Variants in DOLK observed in about 807,000 individuals in gnomAD.
DOLK encodes SEC59 homolog.
Under a neutral mutation model 31.7 loss-of-function variants are expected in DOLK, and 20 were observed. The ratio of observed to expected loss-of-function variants is 0.63; its 90% CI spans 0.44 to 0.92. The LOEUF is 0.92. Among genes scored for constraint, DOLK ranks in the 40% least tolerant of loss-of-function variants. The probability of loss-of-function intolerance (pLI) is 0.00; values close to 1 mark genes in which losing one functional copy is unlikely to be tolerated. For synonymous variants in DOLK, 309 were observed against 287.0 expected, an observed-to-expected ratio of 1.08 and a Z score of -0.77; for missense variants, 594 against 680.7, an observed-to-expected ratio of 0.87 and a Z score of 1.42.
rs1035319147 is a variant in DOLK, at chr9:128,947,073, T to C, written c.231A>G (p.Ala77=). 1.2e-6 allele frequency: 2 copies of C among 1,613,968 alleles called. No homozygotes were observed. Among genetic ancestry groups the C allele is most frequent in the Non-Finnish European group, 1.7e-6 (2 of 1,180,006 alleles). Residue 77 remains alanine, a synonymous_variant, in exon 1 of 1, where the codon GCA becomes GCG. Coordinates refer to ENST00000372586, the MANE Select transcript of DOLK (RefSeq NM_014908.4). ...GSAVFQFRMS[A]NSGLLPASMV... ...TGGAGGCGGGCAATAGGCCACTGTT[T>C]GCGGACATTCGGAACTGGAAGACGG... is the stretch of plus-strand genomic sequence containing the variant.
Position 128,946,399 on chromosome 9 carries a change from G to A in DOLK, c.905C>T (p.Ala302Val), listed in dbSNP as rs1057524413. Residue 302 changes from alanine (A) to valine (V), a missense_variant, in exon 1 of 1, where the codon GCC (alanine) becomes GTC (valine). Coordinates refer to ENST00000372586, the MANE Select transcript of DOLK (RefSeq NM_014908.4). ...CAAGGTGGCCAGCAGAGACCAATAG[G>A]CTAGGAGGTAGATGCGGGTGTCTGT... is the stretch of plus-strand genomic sequence containing the variant. ...FQTDTRIYLL[A>V]YWSLLATLAC... 6.2e-7 allele frequency: 1 copy of A among 1,613,858 alleles called. No individual in the cohort carries two copies. The highest frequency in any genetic ancestry group is 1.3e-5 in the African/African-American group (1 of 74,890).
Position 128,947,571 on chromosome 9 carries a change from G to T in DOLK, c.-268C>A. 7 of 1,056,664 alleles carry T rather than the reference G, an allele frequency of 6.6e-6. No homozygotes were observed. Among genetic ancestry groups the T allele is most frequent in the Non-Finnish European group, 9.4e-6 (7 of 745,808 alleles). 65.5% of individuals were successfully genotyped at this position (1,056,664 alleles called of 1,614,324 possible). A position where few individuals can be genotyped will look rare whatever the true frequency, so the allele number is the denominator to read the frequency against. On this transcript the variant is annotated 5_prime_UTR_variant, in exon 1 of 1. Coordinates refer to ENST00000372586, the MANE Select transcript of DOLK (RefSeq NM_014908.4). The stretch of plus-strand genomic sequence containing the variant: ...ACAGTTACAGCCGCCCCCGCTGCCG[G>T]CTCCTCACCTCTTTGGGCCTCGCCA...
Position 128,946,240 on chromosome 9 carries a change from T to C in DOLK, c.1064A>G (p.Asp355Gly). 1 of 1,613,878 alleles carries C rather than the reference T, an allele frequency of 6.2e-7. No individual in the cohort carries two copies. The highest frequency in any genetic ancestry group is 1.3e-5 in the African/African-American group (1 of 74,960). The change falls in exon 1 of 1, where the codon GAC (aspartate) becomes GGC (glycine). Residue 355 changes from aspartate to glycine, a missense_variant. Coordinates refer to ENST00000372586, the MANE Select transcript of DOLK (RefSeq NM_014908.4). ...GGCGGCTACATAGAGCAGTGGCCGG[T>C]CAAAGATGATACCTGGGATGTAGGT... ...VATYIPGIIF[D>G]RPLLYVAATV...
rs775257795 is a variant in DOLK at position 128,946,833 on chromosome 9, G to A, written c.471C>T (p.His157=). ...AGGVIIYIMK[H]SLSVGEVIEV... ...CGATCACCTCCCCCACGCTCAACGA[G>A]TGCTTCATGATATAAATGATAACAC... Residue 157 remains histidine, a synonymous_variant, in exon 1 of 1, where the codon CAC becomes CAT. Transcript: ENST00000372586. 3 of 1,612,738 alleles carry A rather than the reference G, an allele frequency of 1.9e-6. No individual in the cohort carries two copies. Among genetic ancestry groups the A allele is most frequent in the Non-Finnish European group, 2.5e-6 (3 of 1,180,026 alleles).
Position 128,946,526 on chromosome 9 carries a change from G to A in DOLK, c.778C>T (p.His260Tyr). 6.2e-7 allele frequency: 1 copy of A among 1,614,118 alleles called. No individual in the cohort carries two copies. The highest frequency in any genetic ancestry group is 1.1e-5 in the South Asian group (1 of 91,080). The change falls in exon 1 of 1, where the codon CAC becomes TAC. Residue 260 changes from histidine to tyrosine, a missense_variant. By Grantham distance (83) the His-to-Tyr change is moderately conservative (BLOSUM62 2). Transcript: ENST00000372586. ...AGGCTCAGCACACAGGTCATGAGGT[G>A]GAAGAAGATGGAGGAGGCCCAGGTG... ...SGTWASSIFF[H>Y]LMTCVLSLGV...
chr9:128,947,329 G>T lies in DOLK; in HGVS notation c.-26C>A, dbSNP rs765242879. ...ATCTCTAGACCTGGGGCTTCACGGA[G>T]GCCGGGGCGACTACGGACGCCCTAG... On this transcript the variant is annotated 5_prime_UTR_variant, in exon 1 of 1. Transcript: ENST00000372586. The T allele has an allele frequency of 6.2e-7, 1 of 1,611,102 alleles. No homozygotes were observed. Among genetic ancestry groups the T allele is most frequent in the Non-Finnish European group, 8.5e-7 (1 of 1,179,858 alleles).
chr9:128,946,584 G>C lies in DOLK; in HGVS notation c.720C>G (p.Phe240Leu). The change falls in exon 1 of 1, where the codon TTC (phenylalanine) becomes TTG (leucine). Residue 240 changes from phenylalanine to leucine, a missense_variant. Transcript: ENST00000372586. ...CCATGAAGACAAACAGAGTGCTGAA[G>C]AAAATGCCCATGAGTACCATCCCTA... is the stretch of plus-strand genomic sequence containing the variant. The part of the protein sequence containing the change: ...VVVGMVLMGI[F>L]FSTLFVFMDS... 1 of 1,614,124 alleles carries C rather than the reference G, an allele frequency of 6.2e-7. No homozygotes were observed. Among genetic ancestry groups the C allele is most frequent in the Non-Finnish European group, 8.5e-7 (1 of 1,180,022 alleles).
Position 128,947,000 on chromosome 9 carries a change from C to T in DOLK, c.304G>A (p.Ala102Thr). The T allele has an allele frequency of 1.9e-6, 3 of 1,609,280 alleles. No homozygotes were observed. The highest frequency in any genetic ancestry group is 1.7e-6 in the Non-Finnish European group (2 of 1,179,310). The change falls in exon 1 of 1, where the codon GCT becomes ACT. Residue 102 changes from alanine to threonine, a missense_variant. Ala to Thr is a moderately conservative substitution (Grantham distance 58). Coordinates refer to ENST00000372586, the MANE Select transcript of DOLK (RefSeq NM_014908.4). The stretch of plus-strand genomic sequence containing the variant: ...AAACGCTCAAAGAACGGGTTCCCAG[C>T]AGTCTGGCACCGCTCCTTCATGACT... ...GLVMKERCQT[A>T]GNPFFERFGI...
In DOLK at chr9:128,946,952, C is replaced by T; in HGVS notation, c.352G>A (p.Gly118Ser). 1 of 1,602,648 alleles carries T rather than the reference C, an allele frequency of 6.2e-7. No homozygotes were observed. The highest frequency in any genetic ancestry group is 8.5e-7 in the Non-Finnish European group (1 of 1,178,320). The change falls in exon 1 of 1, where the codon GGC (glycine) becomes AGC (serine). Residue 118 changes from glycine to serine, a missense_variant. Physicochemically the swap from Gly to Ser is moderately conservative, Grantham distance 56. Coordinates refer to ENST00000372586, the MANE Select transcript of DOLK (RefSeq NM_014908.4). The stretch of plus-strand genomic sequence containing the variant: ...GATGAGAAGAGGGCCACTGCCATGC[C>T]AGTGGCTGCCACCACAATGCCAAAA... ...ERFGIVVAATGMAVALFSSVL... is the reference protein window; with the variant it reads ...ERFGIVVAATSMAVALFSSVL...
rs1449373134 is a variant in DOLK at position 128,946,194 on chromosome 9, G to A, written c.1110C>T (p.Phe370=). 1.9e-6 allele frequency: 3 copies of A among 1,614,112 alleles called. No homozygotes were observed. Among genetic ancestry groups the A allele is most frequent in the Non-Finnish European group, 2.5e-6 (3 of 1,180,054 alleles). The change falls in exon 1 of 1, where the codon TTC becomes TTT. Residue 370 remains phenylalanine (F), a synonymous_variant. Coordinates refer to ENST00000372586, the MANE Select transcript of DOLK (RefSeq NM_014908.4). ...YVAATVCLAV[F]IFLEYVRYFR... ...AGTAGCGCACATACTCCAGGAAGATGAAGACCGCCAGGCATACAGTGGCGG... is the reference window on the plus strand; with the variant it reads ...AGTAGCGCACATACTCCAGGAAGATAAAGACCGCCAGGCATACAGTGGCGG...
In DOLK at chr9:128,947,101, C is replaced by T. The variant is rs753603168; in HGVS notation, c.203G>A (p.Ser68Asn). ...GGACATTCGGAACTGGAAGACGGCGCTTCCCTGCTGTAGCAGCCGGTCCCA... is the reference window on the plus strand; with the variant it reads ...GGACATTCGGAACTGGAAGACGGCGTTTCCCTGCTGTAGCAGCCGGTCCCA... ...YKWDRLLQQGSAVFQFRMSAN... is the reference protein window; with the variant it reads ...YKWDRLLQQGNAVFQFRMSAN... Residue 68 changes from serine (S) to asparagine (N), a missense_variant, in exon 1 of 1, where the codon AGC becomes AAC. Coordinates refer to ENST00000372586, the MANE Select transcript of DOLK (RefSeq NM_014908.4). The T allele has an allele frequency of 1.2e-6, 2 of 1,614,012 alleles. No individual in the cohort carries two copies. Among genetic ancestry groups the T allele is most frequent in the South Asian group, 1.1e-5 (1 of 91,086 alleles).
chr9:128,947,325 C>A lies in DOLK; in HGVS notation c.-22G>T. The A allele has an allele frequency of 6.2e-7, 1 of 1,611,254 alleles. No individual in the cohort carries two copies. Among genetic ancestry groups the A allele is most frequent in the Non-Finnish European group, 8.5e-7 (1 of 1,179,898 alleles). On this transcript the variant is annotated 5_prime_UTR_variant, in exon 1 of 1. Coordinates refer to ENST00000372586, the MANE Select transcript of DOLK (RefSeq NM_014908.4). ...TCATATCTCTAGACCTGGGGCTTCA[C>A]GGAGGCCGGGGCGACTACGGACGCC...
rs1288200318 is a variant in DOLK at position 128,945,742 on chromosome 9, G to T, written c.1562C>A (p.Thr521Lys). The T allele has an allele frequency of 6.2e-7, 1 of 1,614,048 alleles. No individual in the cohort carries two copies. Among genetic ancestry groups the T allele is most frequent in the East Asian group, 2.2e-5 (1 of 44,894 alleles). The change falls in exon 1 of 1, where the codon ACA becomes AAA. Residue 521 changes from threonine to lysine, a missense_variant. Thr to Lys is a moderately conservative substitution (Grantham distance 78, BLOSUM62 -1). Coordinates refer to ENST00000372586, the MANE Select transcript of DOLK (RefSeq NM_014908.4). Reference protein sequence around the residue: ...STVSLLEAYTTQIDNLLLPLY... With the variant: ...STVSLLEAYTKQIDNLLLPLY... ...AGGCAGAAGGAGATTGTCTATCTGT[G>T]TAGTGTATGCTTCCAGGAGGGACAC...
rs1588263330 is a variant in DOLK, at chr9:128,947,495, C to T, written c.-192G>A. 2 of 907,970 alleles carry T rather than the reference C, an allele frequency of 2.2e-6. No homozygotes were observed. Among genetic ancestry groups the T allele is most frequent in the African/African-American group, 1.7e-5 (1 of 59,892 alleles). 56.2% of individuals were successfully genotyped at this position (907,970 alleles called of 1,614,324 possible). On this transcript the variant is annotated 5_prime_UTR_variant, in exon 1 of 1. Coordinates refer to ENST00000372586, the MANE Select transcript of DOLK (RefSeq NM_014908.4). ...CCTGGGAGCTGGCGCCCGGCCACCCCCCACAGCCTCCAACCTACGGCGTAG... is the reference window on the plus strand; with the variant it reads ...CCTGGGAGCTGGCGCCCGGCCACCCTCCACAGCCTCCAACCTACGGCGTAG...
Position 128,947,097 on chromosome 9 carries a change from G to A in DOLK, c.207C>T (p.Ala69=), listed in dbSNP as rs145764316. 26 of 1,613,886 alleles carry A rather than the reference G, an allele frequency of 1.6e-5. No individual in the cohort carries two copies. The highest frequency in any genetic ancestry group is 1.9e-5 in the Non-Finnish European group (23 of 1,180,024). The change falls in exon 1 of 1, where the codon GCC becomes GCT. Residue 69 remains alanine (A), a synonymous_variant. Transcript: ENST00000372586. ...KWDRLLQQGS[A]VFQFRMSANS... is the part of the protein sequence containing the mutation. ...TTGCGGACATTCGGAACTGGAAGAC[G>A]GCGCTTCCCTGCTGTAGCAGCCGGT...
At position 128,946,612 on chromosome 9, in the gene DOLK, AC is replaced by A; in HGVS notation, c.691del (p.Val231Ter). The A allele has an allele frequency of 6.2e-7, 1 of 1,614,076 alleles. No individual in the cohort carries two copies. Among genetic ancestry groups the A allele is most frequent in the East Asian group, 2.2e-5 (1 of 44,870 alleles). Reference protein sequence around the residue: ...DPVDFFLLVVVVGMVLMGIFF... With the variant: ...DPVDFFLLVVXVGMVLMGIFF... ...AATGCCCATGAGTACCATCCCTACTACCACCACCAGCAGGAAGAAGTCCACT... is the reference window on the plus strand; with the variant it reads ...AATGCCCATGAGTACCATCCCTACTACACCACCAGCAGGAAGAAGTCCACT... On this transcript the variant is annotated frameshift_variant, in exon 1 of 1. Transcript: ENST00000372586. LOFTEE classifies it high-confidence loss of function.
Position 128,946,346 on chromosome 9 carries a change from C to T in DOLK, c.958G>A (p.Ala320Thr). The stretch of plus-strand genomic sequence containing the variant: ...TTGGACTCGGAAGATGACCGCTTGG[C>T]ATTCTGGTACAGCACCACCAGGCAG... ...LACLVVLYQN[A>T]KRSSSESKKH... Residue 320 changes from alanine (A) to threonine (T), a missense_variant, in exon 1 of 1, where the codon GCC becomes ACC. Coordinates refer to ENST00000372586, the MANE Select transcript of DOLK (RefSeq NM_014908.4). 6.2e-7 allele frequency: 1 copy of T among 1,614,042 alleles called. No individual in the cohort carries two copies. The highest frequency in any genetic ancestry group is 8.5e-7 in the Non-Finnish European group (1 of 1,179,968).
chr9:128,947,516 C>T lies in DOLK; in HGVS notation c.-213G>A. On this transcript the variant is annotated 5_prime_UTR_variant, in exon 1 of 1. Transcript: ENST00000372586. ...ACCCCCCACAGCCTCCAACCTACGGCGTAGACGTCGCCACTCTGCAGCCTT... is the reference window on the plus strand; with the variant it reads ...ACCCCCCACAGCCTCCAACCTACGGTGTAGACGTCGCCACTCTGCAGCCTT... The T allele has an allele frequency of 4.5e-6, 4 of 891,340 alleles. No individual in the cohort carries two copies. Among genetic ancestry groups the T allele is most frequent in the Non-Finnish European group, 6.8e-6 (4 of 585,958 alleles). 55.2% of individuals were successfully genotyped at this position (891,340 alleles called of 1,614,324 possible).
Position 128,947,115 on chromosome 9 carries a change from C to A in DOLK, c.189G>T (p.Leu63=), listed in dbSNP as rs1487714888. ...AFYVQYKWDR[L]LQQGSAVFQF... is the part of the protein sequence containing the mutation. ...GGAAGACGGCGCTTCCCTGCTGTAGCAGCCGGTCCCACTTGTATTGGACGT... is the reference window on the plus strand; with the variant it reads ...GGAAGACGGCGCTTCCCTGCTGTAGAAGCCGGTCCCACTTGTATTGGACGT... Residue 63 remains leucine (L), a synonymous_variant, in exon 1 of 1, where the codon CTG becomes CTT. Transcript: ENST00000372586. The A allele has an allele frequency of 6.2e-7, 1 of 1,614,002 alleles. No homozygotes were observed. Among genetic ancestry groups the A allele is most frequent in the East Asian group, 2.2e-5 (1 of 44,862 alleles).
Sources: gnomAD v4.1 joint callset for allele counts on GRCh38, gnomAD v4.1.1 for gene constraint, MANE v1.5 for transcripts, NCBI Gene and HGNC (gene_info 2026-07-23, HGNC 2026-07-21) for gene names.